The following GALNTL6 variants were observed in gnomAD, a reference collection of about 807,000 sequenced individuals.
The protein encoded by GALNTL6 is polypeptide N-acetylgalactosaminyltransferase-like 6.
A neutral mutation model predicts 73.7 loss-of-function variants in GALNTL6; 46 were observed. The observed-to-expected ratio is 0.62, with a 90% CI of 0.49 to 0.80. The LOEUF is 0.80. GALNTL6 is among the 30% of genes least tolerant of loss of function. The pLI is 0.00. For missense variants in GALNTL6, 604 were observed against 755.0 expected (o/e 0.80, Z 2.34); for synonymous variants, 259 against 263.7 (o/e 0.98, Z 0.17).
intron 8 of GALNTL6, among the ~76,000 whole-genome samples, chr4:172,915,219 A>G (rs944894501): frequency 6.6e-6 from 1 of 152,246 alleles, no homozygotes; most frequent in African/African-American, 2.4e-5. Flanking sequence ...AAGACAGAAC[A>G]TACCAGAATC....
chr4:172,216,535 T>G (rs1736502940), intron 2 of GALNTL6, among the ~76,000 whole-genome samples: 1 of 152,154 alleles, frequency 6.6e-6, no homozygotes, highest in South Asian at 2.1e-4. Context: ...TGCTTAAGTG[T>G]AATTTTTTTT....
chr4:172,214,333 CT>C (rs1251449901), intron 2 of GALNTL6, among the ~76,000 whole-genome samples: 1 of 151,950 alleles, frequency 6.6e-6, no homozygotes. Context: ...TATAAAATAG[CT>C]TGTCAGGATT....
intron 5 of GALNTL6, among the ~76,000 whole-genome samples, chr4:172,795,437 C>T (rs890422942): frequency 3.3e-5 from 5 of 152,222 alleles, no homozygotes; most frequent in Middle Eastern, 3.4e-3. Flanking sequence ...AAAAAAGAAC[C>T]GAATTGATTT....
intron 3 of GALNTL6, among the ~76,000 whole-genome samples, chr4:172,305,921 A>C (rs1228633031): frequency 6.6e-6 from 1 of 152,110 alleles, no homozygotes; most frequent in African/African-American, 2.4e-5. Flanking sequence ...AATAAAATAA[A>C]TTTCCCTTTA....
At chr4:172,637,527 G>T (rs1739753130) in intron 5 of GALNTL6, among the ~76,000 whole-genome samples, 1 of 152,096 alleles carries the variant, frequency 6.6e-6, no homozygotes, top group Non-Finnish European at 1.5e-5. Flanking sequence ...TAATCACGTT[G>T]ATTATCCTTA....
intron 10 of GALNTL6, among the ~76,000 whole-genome samples, chr4:173,003,425 A>G (rs1752134870): frequency 6.6e-6 from 1 of 152,206 alleles, no homozygotes; most frequent in South Asian, 2.1e-4. Flanking sequence ...TTCTCCTTCG[A>G]CTTAAGTGCC....
At chr4:172,517,114 G>A (rs151290724) in intron 5 of GALNTL6, among the ~76,000 whole-genome samples, 2 of 151,994 alleles carry the variant, frequency 1.3e-5, no homozygotes, top group East Asian at 3.9e-4. Flanking sequence ...GCACAACCAT[G>A]TGAACATGCT....
At chr4:172,376,998 G>T (rs1006107980) in intron 5 of GALNTL6, among the ~76,000 whole-genome samples, 2 of 152,130 alleles carry the variant, frequency 1.3e-5, no homozygotes, top group Non-Finnish European at 2.9e-5. Context: ...CAGACCAAAA[G>T]GGTGAGCAGC....
At chr4:172,657,495 A>C (rs1380249311) in intron 5 of GALNTL6, among the ~76,000 whole-genome samples, 1 of 152,232 alleles carries the variant, frequency 6.6e-6, no homozygotes, top group Non-Finnish European at 1.5e-5. Context: ...CATAGTGAAA[A>C]TGTTCATACC....
chr4:172,302,332 C>G (rs1739962296), intron 3 of GALNTL6, among the ~76,000 whole-genome samples: 1 of 152,112 alleles, frequency 6.6e-6, no homozygotes, highest in Admixed American at 6.6e-5. Context: ...GAGGCAATGC[C>G]TCACCCTGCT....
chr4:172,503,881 A>AAGTTTGGTGAATTCTTATCCATT (rs1579137073), intron 5 of GALNTL6, among the ~76,000 whole-genome samples: 8 of 59,686 alleles, frequency 1.3e-4, no homozygotes, highest in African/African-American at 2.1e-4. Context: ...GAGTCCAAGC[A>AAGTTTGGTGAATTCTTATCCATT]CAGATCACGC....
chr4:171,948,204 G>A (rs1339338522), intron 2 of GALNTL6, among the ~76,000 whole-genome samples: 2 of 152,076 alleles, frequency 1.3e-5, no homozygotes, highest in East Asian at 3.8e-4. Context: ...ATGGCACAGA[G>A]CCTCTTTATT....
chr4:173,015,911 T>C (rs1287674306), intron 11 of GALNTL6, among the ~76,000 whole-genome samples: 2 of 152,168 alleles, frequency 1.3e-5, no homozygotes, highest in African/African-American at 4.8e-5. Context: ...AAAAATGGTT[T>C]CTTGGGCCAG....
chr4:172,926,065 T>A (rs1207064153), intron 8 of GALNTL6, among the ~76,000 whole-genome samples: 6 of 152,214 alleles, frequency 3.9e-5, no homozygotes, highest in Non-Finnish European at 5.9e-5. Flanking sequence ...AACAGAAATT[T>A]ATTTCTCACT....
intron 2 of GALNTL6, among the ~76,000 whole-genome samples, chr4:171,944,531 A>G (rs537141255): frequency 7.9e-5 from 12 of 152,114 alleles, no homozygotes; most frequent in African/African-American, 2.6e-4. Context: ...TTCAAAGAAA[A>G]AGTCCTATTA....
chr4:172,746,056 A>G (rs902129610), intron 5 of GALNTL6, among the ~76,000 whole-genome samples: 28 of 152,106 alleles, frequency 1.8e-4, no homozygotes, highest in African/African-American at 6.3e-4. Flanking sequence ...AGATAATAAA[A>G]TTATAATGAT....
chr4:172,126,152 T>C (rs1425993680), intron 2 of GALNTL6, among the ~76,000 whole-genome samples: 1 of 152,186 alleles, frequency 6.6e-6, no homozygotes, highest in African/African-American at 2.4e-5. Flanking sequence ...CCCTGTAACA[T>C]AATTATGTGA....
At chr4:171,929,620 G>A (rs1001108381) in intron 2 of GALNTL6, among the ~76,000 whole-genome samples, 6 of 152,318 alleles carry the variant, frequency 3.9e-5, no homozygotes, top group East Asian at 1.9e-4. Flanking sequence ...CCCACTGTAC[G>A]TGCTCGCTCC....
At chr4:172,111,287 C>G (rs1322369363) in intron 2 of GALNTL6, among the ~76,000 whole-genome samples, 1 of 152,072 alleles carries the variant, frequency 6.6e-6, no homozygotes, top group Non-Finnish European at 1.5e-5. Context: ...CAAATTTATA[C>G]TATCAAAGAT....
Sources: allele counts gnomAD v4.1 joint callset (sites outside exome capture counted in the v4.1 genomes callset), GRCh38; gene constraint gnomAD v4.1.1; transcripts MANE v1.5; gene names NCBI Gene and HGNC (gene_info 2026-07-23, HGNC 2026-07-21).